Variants in NSMCE2 observed in about 807,000 individuals in gnomAD.
The protein encoded by NSMCE2 is E3 SUMO-protein ligase NSE2.
A neutral mutation model predicts 23.8 loss-of-function variants in NSMCE2; 24 were observed. That is an observed-to-expected ratio of 1.01 (90% CI 0.73 to 1.42). The LOEUF (loss-of-function observed/expected upper bound fraction) is 1.42, where lower values mean the gene tolerates loss of function less well. Among genes scored for constraint, NSMCE2 ranks in the 40% most tolerant of loss-of-function variants. The pLI is 0.00. For synonymous variants in NSMCE2, 92 were observed against 94.1 expected (o/e 0.98, Z 0.13); for missense variants, 284 against 296.5 (o/e 0.96, Z 0.31).
Position 125,293,491 on chromosome 8 carries a change from A to AT in NSMCE2, c.419-63725dup, listed in dbSNP as rs1214278206. ...CTGACTCCAGTGGGTTAATTTTGAA[A>AT]TTTATTTGAACTTCGTTCAATAAAT... On this transcript the variant is annotated intron_variant, in intron 5 of 7. Transcript: ENST00000287437. Among the ~76,000 whole-genome samples, 9 of 134,314 alleles carry AT rather than the reference A, an allele frequency of 6.7e-5. 1 individual carries two copies. The highest frequency in any genetic ancestry group is 2.7e-4 in the African/African-American group (9 of 33,030). 88.1% of individuals were successfully genotyped at this position (134,314 alleles called of 152,430 possible). A position where few individuals can be genotyped will look rare whatever the true frequency, so the allele number is the denominator to read the frequency against.
At chr8:125,304,031 T>C (rs1165236894) in intron 5 of NSMCE2, among the ~76,000 whole-genome samples, 1 of 152,216 alleles carries the variant, frequency 6.6e-6, no homozygotes, top group Non-Finnish European at 1.5e-5. Flanking sequence ...CATCTTATGC[T>C]TTGACTTCAG....
intron 5 of NSMCE2, among the ~76,000 whole-genome samples, chr8:125,202,628 T>C (rs1344427633): frequency 6.6e-6 from 1 of 152,252 alleles, no homozygotes; most frequent in Non-Finnish European, 1.5e-5. Context: ...ATGTGAAAAG[T>C]GTTTTATAAA....
rs1349625634 is a variant in NSMCE2, at chr8:125,102,109, T to C, written c.-52T>C. The C allele has an allele frequency of 2.1e-6, 1 of 467,920 alleles. No homozygotes were observed. The allele number at this position is 467,920 out of a possible 1,614,324, so 29.0% of individuals were successfully genotyped here. ...CTCCAAAAACTGAGGACACTTACCT[T>C]CCCCATATATTGAGTCCAGCTGTGT... On this transcript the variant is annotated 5_prime_UTR_variant, in exon 2 of 8. Transcript: ENST00000287437.
intron 3 of NSMCE2, among the ~76,000 whole-genome samples, chr8:125,114,634 G>C (rs1818909598): frequency 6.6e-6 from 1 of 152,170 alleles, no homozygotes; most frequent in Non-Finnish European, 1.5e-5. Flanking sequence ...TGTGTGCCCT[G>C]GCCTCTAGGT....
At chr8:125,217,533 T>G (rs781679635) in intron 5 of NSMCE2, among the ~76,000 whole-genome samples, 31 of 151,976 alleles carry the variant, frequency 2.0e-4, no homozygotes, top group Non-Finnish European at 3.5e-4. Context: ...GCTAATTTTG[T>G]TTTTTTGTAT....
intron 3 of NSMCE2, among the ~76,000 whole-genome samples, chr8:125,131,921 G>A (rs1819792185): frequency 2.0e-5 from 3 of 152,122 alleles, no homozygotes; most frequent in Admixed American, 2.0e-4. Flanking sequence ...TTAAGTTCCA[G>A]AATTCAAATC....
intron 4 of NSMCE2, among the ~76,000 whole-genome samples, chr8:125,156,555 G>T (rs117887824): frequency 0.01 from 1,597 of 152,224 alleles, 16 homozygotes; most frequent in Non-Finnish European, 0.018. Context: ...TAGGTGCTAG[G>T]TTGGTCCATT....
At chr8:125,116,507 T>A (rs1446789005) in intron 3 of NSMCE2, among the ~76,000 whole-genome samples, 1 of 152,242 alleles carries the variant, frequency 6.6e-6, no homozygotes, top group Non-Finnish European at 1.5e-5. Flanking sequence ...AAGCCTTTTG[T>A]CAGAAACTCA....
At chr8:125,362,694 CTT>C (rs747974779) in intron 7 of NSMCE2, among the ~76,000 whole-genome samples, 5 of 152,244 alleles carry the variant, frequency 3.3e-5, no homozygotes, top group Non-Finnish European at 7.3e-5. Flanking sequence ...CTTTCTCATT[CTT>C]GAGCCTGCAA....
At chr8:125,257,037 G>A (rs115530289) in intron 5 of NSMCE2, among the ~76,000 whole-genome samples, 9,366 of 149,148 alleles carry the variant, frequency 0.063, 676 homozygotes, top group African/African-American at 0.18. Context: ...TAATCGCAGC[G>A]CTTTGGGAAA....
intron 5 of NSMCE2, among the ~76,000 whole-genome samples, chr8:125,284,806 ATAGAT>A (rs1563763075): frequency 6.6e-6 from 1 of 152,242 alleles, no homozygotes; most frequent in Admixed American, 6.5e-5. Context: ...CCAAATGAAA[ATAGAT>A]TAATCAAAAC....
At chr8:125,229,197 C>A (rs79867381) in intron 5 of NSMCE2, among the ~76,000 whole-genome samples, 2,203 of 152,220 alleles carry the variant, frequency 0.014, 34 homozygotes, top group Middle Eastern at 0.024. Context: ...AGAACCTGAA[C>A]TACTGCAGTG....
chr8:125,350,053 G>A (rs1812968056), intron 5 of NSMCE2, among the ~76,000 whole-genome samples: 1 of 152,196 alleles, frequency 6.6e-6, no homozygotes, highest in African/African-American at 2.4e-5. Context: ...TTGCTTGTCA[G>A]ATGTTTATTG....
Position 125,152,481 on chromosome 8 carries a change from G to A in NSMCE2, c.264+1204G>A, listed in dbSNP as rs146637079. 2.0e-5 allele frequency among the ~76,000 whole-genome samples: 3 copies of A among 152,254 alleles called. No homozygotes were observed. In the East Asian group the frequency reaches 5.8e-4, roughly 29 times the overall value. On this transcript the variant is annotated intron_variant, in intron 4 of 7. Transcript: ENST00000287437. ...TGTGCATTCAAGGGTGAAAACCACTGACTTAAAAGAACAAGGCTGACTTTA... is the reference window on the plus strand; with the variant it reads ...TGTGCATTCAAGGGTGAAAACCACTAACTTAAAAGAACAAGGCTGACTTTA...
At chr8:125,176,655 A>G (rs76151052) in intron 4 of NSMCE2, among the ~76,000 whole-genome samples, 6,232 of 152,306 alleles carry the variant, frequency 0.041, 423 homozygotes, top group African/African-American at 0.14. Flanking sequence ...ACAGCTACTC[A>G]TTATTGAATA....
intron 3 of NSMCE2, among the ~76,000 whole-genome samples, chr8:125,129,391 A>T (rs981068104): frequency 6.6e-6 from 1 of 152,186 alleles, no homozygotes; most frequent in East Asian, 1.9e-4. Context: ...AGATCAGGAA[A>T]TTGAGGCCCA....
At chr8:125,198,427 C>A (rs1428632027) in intron 5 of NSMCE2, among the ~76,000 whole-genome samples, 1 of 152,172 alleles carries the variant, frequency 6.6e-6, no homozygotes, top group Non-Finnish European at 1.5e-5. Context: ...AAGGCCTTTT[C>A]TGCATCTATT....
At chr8:125,345,091 C>G (rs1830387165) in intron 5 of NSMCE2, among the ~76,000 whole-genome samples, 1 of 149,974 alleles carries the variant, frequency 6.7e-6, no homozygotes, top group Admixed American at 6.6e-5. Context: ...CTGTACTTTT[C>G]TGGGGACATA....
chr8:125,290,779 TAGAC>T (rs1286410537), intron 5 of NSMCE2, among the ~76,000 whole-genome samples: 6 of 151,276 alleles, frequency 4.0e-5, no homozygotes, highest in East Asian at 1.9e-4. Flanking sequence ...TATCATGAGT[TAGAC>T]AGACAACTCC....
Sources: allele counts gnomAD v4.1 joint callset (sites outside exome capture counted in the v4.1 genomes callset), GRCh38; gene constraint gnomAD v4.1.1; transcripts MANE v1.5; gene names NCBI Gene and HGNC (gene_info 2026-07-23, HGNC 2026-07-21).